The following GLIS3 variants were observed in gnomAD, a reference collection of about 807,000 sequenced individuals.
The protein encoded by GLIS3 is GLIS family zinc finger 3.
Under a neutral mutation model 78.6 loss-of-function variants are expected in GLIS3, and 53 were observed. That is an observed-to-expected ratio of 0.67 (90% CI 0.54 to 0.85). The LOEUF (loss-of-function observed/expected upper bound fraction) is 0.85, where lower values mean the gene tolerates loss of function less well. Ranked by LOEUF, GLIS3 falls within the 40% of genes least tolerant of loss-of-function variation. The pLI, the probability that GLIS3 is intolerant of heterozygous loss-of-function variation, is 0.00. For missense variants in GLIS3, 1,703 were observed against 1,231.1 expected (o/e 1.38, Z -5.74); for synonymous variants, 684 against 509.9 (o/e 1.34, Z -4.60).
Position 4,239,302 on chromosome 9 carries a change from A to C in GLIS3, c.388+46736T>G, listed in dbSNP as rs145782368. The stretch of plus-strand genomic sequence containing the variant: ...CTGCACGTTGTGCACATGTACCCTA[A>C]AACTTAAAAGTATAATTAAAAAAAA... On this transcript the variant is annotated intron_variant, in intron 2 of 10. Coordinates refer to ENST00000381971, the MANE Select transcript of GLIS3 (RefSeq NM_001042413.2). 9.8e-3 allele frequency among the ~76,000 whole-genome samples: 1,484 copies of C among 151,642 alleles called. 24 individuals carry two copies. The highest frequency in any genetic ancestry group is 0.035 in the African/African-American group (1,421 of 41,088).
At chr9:4,230,850 C>T (rs1245472922) in intron 2 of GLIS3, among the ~76,000 whole-genome samples, 1 of 152,164 alleles carries the variant, frequency 6.6e-6, no homozygotes, top group East Asian at 1.9e-4. Context: ...ATCCCCCATC[C>T]AATTATAAAT....
At chr9:4,373,083 G>C in the GLIS3 span, among the ~76,000 whole-genome samples, 17 of 152,208 alleles carry the variant, frequency 1.1e-4, no homozygotes, top group Admixed American at 1.1e-3. Context: ...ATAACCCCCA[G>C]AAAAGTGGCT....
At chr9:3,893,822 G>C (rs1239263019) in intron 7 of GLIS3, among the ~76,000 whole-genome samples, 1 of 152,192 alleles carries the variant, frequency 6.6e-6, no homozygotes, top group African/African-American at 2.4e-5. Flanking sequence ...TGGGGGTAGG[G>C]CCCAGCAAAC....
intron 2 of GLIS3, among the ~76,000 whole-genome samples, chr9:4,142,442 T>C (rs558535531): frequency 6.6e-6 from 1 of 152,308 alleles, no homozygotes; most frequent in South Asian, 2.1e-4. Context: ...GTCAATTAAG[T>C]AGAGGCCTTA....
chr9:3,842,305 C>A (rs1404559866), intron 9 of GLIS3, among the ~76,000 whole-genome samples: 1 of 152,144 alleles, frequency 6.6e-6, no homozygotes, highest in Non-Finnish European at 1.5e-5. Flanking sequence ...AACCCTGTCT[C>A]TACTAAAACT....
At chr9:4,041,589 T>C (rs964193237) in intron 4 of GLIS3, among the ~76,000 whole-genome samples, 3 of 152,154 alleles carry the variant, frequency 2.0e-5, no homozygotes, top group Admixed American at 1.3e-4. Context: ...AAACGGTGCT[T>C]CGTTTCCTAA....
chr9:4,285,497 A>C (rs932864961), intron 2 of GLIS3: 1 of 152,300 alleles, frequency 6.6e-6, no homozygotes, highest in African/African-American at 2.4e-5. Context: ...ATATGATAAA[A>C]ATTACAGGCT....
intron 4 of GLIS3, among the ~76,000 whole-genome samples, chr9:4,025,160 G>T (rs1823224650): frequency 6.6e-6 from 1 of 152,034 alleles, no homozygotes; most frequent in Non-Finnish European, 1.5e-5. Context: ...GCTGAGGCAG[G>T]AGAATCACTT....
At chr9:4,277,416 T>C (rs942905132) in intron 2 of GLIS3, among the ~76,000 whole-genome samples, 5 of 152,344 alleles carry the variant, frequency 3.3e-5, no homozygotes, top group African/African-American at 1.2e-4. Context: ...CTTGATGTAT[T>C]ATTTAAAGTA....
intron 7 of GLIS3, among the ~76,000 whole-genome samples, chr9:3,888,941 G>T (rs186108091): frequency 7.0e-4 from 107 of 152,272 alleles, no homozygotes; most frequent in African/African-American, 2.4e-3. Flanking sequence ...GAGGAAGCAT[G>T]TGACATCCCT....
chr9:3,957,092 G>A (rs887570930), intron 4 of GLIS3, among the ~76,000 whole-genome samples: 1 of 152,188 alleles, frequency 6.6e-6, no homozygotes, highest in African/African-American at 2.4e-5. Context: ...GCAGCGGAAT[G>A]GGAAGAAAAT....
the GLIS3 span, among the ~76,000 whole-genome samples, chr9:4,366,036 A>T: frequency 1.4e-3 from 213 of 152,346 alleles, 4 homozygotes; most frequent in Non-Finnish European, 2.6e-3. Context: ...AAGGCCGTTG[A>T]AAATGCTTCG....
chr9:3,919,024 T>C (rs1824699579), intron 6 of GLIS3, among the ~76,000 whole-genome samples: 1 of 152,044 alleles, frequency 6.6e-6, no homozygotes, highest in African/African-American at 2.4e-5. Flanking sequence ...CCCTGAAGGA[T>C]GGAATGGGGG....
intron 2 of GLIS3, among the ~76,000 whole-genome samples, chr9:4,342,255 G>T (rs1226085040): frequency 6.6e-6 from 1 of 152,162 alleles, no homozygotes; most frequent in Non-Finnish European, 1.5e-5. Context: ...CCCATCTTGA[G>T]TTAATTTTTG....
At chr9:4,083,480 T>C (rs1828731523) in intron 4 of GLIS3, among the ~76,000 whole-genome samples, 1 of 152,214 alleles carries the variant, frequency 6.6e-6, no homozygotes, top group Non-Finnish European at 1.5e-5. Context: ...GTGGAGAAGA[T>C]GTTGCCATTT....
intron 2 of GLIS3, among the ~76,000 whole-genome samples, chr9:4,197,446 T>G (rs924087331): frequency 1.3e-5 from 2 of 152,158 alleles, no homozygotes; most frequent in African/African-American, 4.8e-5. Context: ...GATTAGGAGT[T>G]TAGGCTGCCC....
chr9:3,864,579 A>C (rs983746608), intron 8 of GLIS3, among the ~76,000 whole-genome samples: 34 of 152,196 alleles, frequency 2.2e-4, no homozygotes, highest in African/African-American at 8.0e-4. Flanking sequence ...AGATGTCAAA[A>C]GTCAACATAA....
intron 1 of GLIS3, among the ~76,000 whole-genome samples, chr9:4,288,921 C>A (rs1828221893): frequency 2.0e-5 from 3 of 152,096 alleles, no homozygotes; most frequent in African/African-American, 7.2e-5. Context: ...CCAGTTTTCA[C>A]ATTAATTACG....
the GLIS3 span, among the ~76,000 whole-genome samples, chr9:4,432,836 T>G: frequency 6.6e-6 from 1 of 151,974 alleles, no homozygotes; most frequent in Non-Finnish European, 1.5e-5. Context: ...AGATGCAGTT[T>G]CATCACGTTG....
Sources: allele counts gnomAD v4.1 joint callset (sites outside exome capture counted in the v4.1 genomes callset), GRCh38; gene constraint gnomAD v4.1.1; transcripts MANE v1.5; gene names NCBI Gene and HGNC (gene_info 2026-07-23, HGNC 2026-07-21).